The following GLRB variants were observed in gnomAD, a reference collection of about 807,000 sequenced individuals.
GLRB encodes the protein glycine receptor subunit beta.
Under a neutral mutation model 54.2 loss-of-function variants are expected in GLRB, and 33 were observed. That is an observed-to-expected ratio of 0.61 (90% CI 0.46 to 0.81). The LOEUF is 0.81. Ranked by LOEUF, GLRB falls within the 40% of genes least tolerant of loss-of-function variation. The pLI is 0.00. For missense variants in GLRB, 572 were observed against 584.6 expected (o/e 0.98, Z 0.22); for synonymous variants, 209 against 208.2 (o/e 1.00, Z -0.03).
intron 4 of GLRB, among the ~76,000 whole-genome samples, chr4:157,133,809 A>C (rs1736301598): frequency 6.6e-6 from 1 of 152,052 alleles, no homozygotes. Context: ...TAAAAAATAC[A>C]AATGTATTCT....
At chr4:157,152,363 C>A (rs1446703753) in intron 8 of GLRB, among the ~76,000 whole-genome samples, 1 of 152,096 alleles carries the variant, frequency 6.6e-6, no homozygotes, top group African/African-American at 2.4e-5. Context: ...TGAAAAATAA[C>A]ATACATAATC....
chr4:157,139,148 G>C (rs967194803), intron 7 of GLRB, among the ~76,000 whole-genome samples, 199 bp downstream of exon 7: 2 of 152,072 alleles, frequency 1.3e-5, no homozygotes, highest in Admixed American at 1.3e-4. Context: ...TTATTAGATA[G>C]ACATGCTTGA....
chr4:157,121,212 A>G (rs1393447681), intron 3 of GLRB, among the ~76,000 whole-genome samples: 1 of 151,742 alleles, frequency 6.6e-6, no homozygotes, highest in Admixed American at 6.6e-5. Flanking sequence ...GTGATTACGT[A>G]GTCCACAACA....
chr4:157,152,846 G>T lies in GLRB; in HGVS notation c.1033G>T (p.Val345Leu), dbSNP rs1170074757. ...ACLLFGFASL[V>L]EYAVVQVMLN... is the part of the protein sequence containing the mutation. ...CCTTCTCTTTGGGTTTGCTTCCCTG[G>T]TGGAGTATGCAGTTGTCCAGGTGAT... The change falls in exon 9 of 10, where the codon GTG (valine) becomes TTG (leucine). Residue 345 changes from valine (V) to leucine (L), a missense_variant. By Grantham distance (32) the Val-to-Leu change is conservative (BLOSUM62 1). Transcript: ENST00000264428. 6.2e-7 allele frequency: 1 copy of T among 1,613,912 alleles called. No homozygotes were observed. The highest frequency in any genetic ancestry group is 8.5e-7 in the Non-Finnish European group (1 of 1,180,012).
chr4:157,162,506 A>G (rs1350314918), intron 9 of GLRB, among the ~76,000 whole-genome samples: 2 of 152,142 alleles, frequency 1.3e-5, no homozygotes, highest in Non-Finnish European at 2.9e-5. Context: ...GGTGACATAC[A>G]GGTGCGGTTT....
intron 9 of GLRB, among the ~76,000 whole-genome samples, chr4:157,164,920 A>C (rs1024399621): frequency 6.6e-6 from 1 of 152,172 alleles, no homozygotes; most frequent in African/African-American, 2.4e-5. Context: ...AGTTAAACAC[A>C]TATAAGAACT....
chr4:157,133,945 G>A (rs1323071794), intron 4 of GLRB, among the ~76,000 whole-genome samples: 6 of 151,928 alleles, frequency 3.9e-5, no homozygotes, highest in Non-Finnish European at 8.8e-5. Context: ...TGTAATTTTA[G>A]ATTAGTTAAC....
chr4:157,169,499 C>A (rs1218944421), intron 9 of GLRB, among the ~76,000 whole-genome samples: 2 of 152,170 alleles, frequency 1.3e-5, no homozygotes, highest in South Asian at 2.1e-4. Flanking sequence ...ATATCAAAAT[C>A]TATGCATACT....
chr4:157,169,088 T>C (rs1737822200), intron 9 of GLRB, among the ~76,000 whole-genome samples: 1 of 152,098 alleles, frequency 6.6e-6, no homozygotes, highest in South Asian at 2.1e-4. Context: ...GTGTGAGGTA[T>C]AGTGTTTTTA....
chr4:157,144,015 C>T (rs1579236182), intron 8 of GLRB, 56 bp downstream of exon 8: 2 of 1,499,336 alleles, frequency 1.3e-6, no homozygotes, highest in East Asian at 4.5e-5. Context: ...CTTTATCTAA[C>T]TTACCATATA....
chr4:157,162,920 G>A (rs1737564423), intron 9 of GLRB, among the ~76,000 whole-genome samples: 1 of 152,080 alleles, frequency 6.6e-6, no homozygotes, highest in Non-Finnish European at 1.5e-5. Flanking sequence ...GTTCAACTAG[G>A]CCTGCCCCCA....
At chr4:157,083,323 C>T (rs1286598795) in intron 2 of GLRB, among the ~76,000 whole-genome samples, 1 of 152,022 alleles carries the variant, frequency 6.6e-6, no homozygotes, top group Non-Finnish European at 1.5e-5. Flanking sequence ...GACTTTGTTG[C>T]TTGGCACCAA....
chr4:157,167,244 A>T (rs1022745555), intron 9 of GLRB, among the ~76,000 whole-genome samples: 1 of 152,158 alleles, frequency 6.6e-6, no homozygotes, highest in African/African-American at 2.4e-5. Flanking sequence ...GATTTTAAAG[A>T]TTTCTCTGAA....
chr4:157,113,846 A>G (rs1735509673), intron 2 of GLRB, among the ~76,000 whole-genome samples: 1 of 151,970 alleles, frequency 6.6e-6, no homozygotes. Flanking sequence ...AAACTAAACT[A>G]ATCATGTAAA....
intron 4 of GLRB, among the ~76,000 whole-genome samples, chr4:157,129,571 C>T (rs932951349): frequency 6.6e-6 from 1 of 151,618 alleles, no homozygotes; most frequent in Non-Finnish European, 1.5e-5. Context: ...TATTATATGG[C>T]CTCATAACTA....
At chr4:157,164,166 A>G (rs1475141726) in intron 9 of GLRB, among the ~76,000 whole-genome samples, 2 of 149,912 alleles carry the variant, frequency 1.3e-5, no homozygotes, top group Admixed American at 6.6e-5. Context: ...TGTCTCTGTT[A>G]CCACCCAAGT....
intron 9 of GLRB, among the ~76,000 whole-genome samples, chr4:157,159,619 A>G (rs1737386183): frequency 1.3e-5 from 2 of 152,162 alleles, no homozygotes. Flanking sequence ...GGTTCTGTTT[A>G]TAGGATGGGT....
chr4:157,115,998 C>T (rs1051971582), intron 2 of GLRB, among the ~76,000 whole-genome samples: 1 of 151,888 alleles, frequency 6.6e-6, no homozygotes. Flanking sequence ...ACAATATACT[C>T]ATCCACACCT....
chr4:157,132,058 T>C (rs1246707714), intron 4 of GLRB, among the ~76,000 whole-genome samples: 1 of 151,810 alleles, frequency 6.6e-6, no homozygotes, highest in Non-Finnish European at 1.5e-5. Flanking sequence ...TTCCACATCC[T>C]TGCGTTCGTT....
Sources: allele counts gnomAD v4.1 joint callset (sites outside exome capture counted in the v4.1 genomes callset), GRCh38; gene constraint gnomAD v4.1.1; transcripts MANE v1.5; gene names NCBI Gene and HGNC (gene_info 2026-07-23, HGNC 2026-07-21).